The following GFRA1 variants were observed in gnomAD, a reference collection of about 807,000 sequenced individuals.
GFRA1 encodes GDNF family receptor alpha-1.
Under a neutral mutation model 51.6 loss-of-function variants are expected in GFRA1, and 16 were observed. The ratio of observed to expected loss-of-function variants is 0.31; its 90% CI spans 0.21 to 0.47. The LOEUF (loss-of-function observed/expected upper bound fraction) is 0.47, where lower values mean the gene tolerates loss of function less well. Ranked by LOEUF, GFRA1 falls within the 20% of genes least tolerant of loss-of-function variation. The pLI is 1.00. For synonymous variants in GFRA1, 270 were observed against 241.3 expected (o/e 1.12, Z -1.10); for missense variants, 530 against 594.3 (o/e 0.89, Z 1.13).
At chr10:116,267,352 G>C (rs1255157107) in intron 4 of GFRA1, among the ~76,000 whole-genome samples, 1 of 151,996 alleles carries the variant, frequency 6.6e-6, no homozygotes, top group Non-Finnish European at 1.5e-5. Context: ...TGTAATCCCA[G>C]CTACTCGGGA....
At chr10:116,177,755 C>T (rs1337215945) in intron 5 of GFRA1, among the ~76,000 whole-genome samples, 1 of 152,168 alleles carries the variant, frequency 6.6e-6, no homozygotes, top group Non-Finnish European at 1.5e-5. Context: ...TAATAATCAA[C>T]AACTTGCCCA....
chr10:116,174,799 G>A (rs140000078), intron 5 of GFRA1, among the ~76,000 whole-genome samples: 7 of 152,154 alleles, frequency 4.6e-5, no homozygotes, highest in South Asian at 2.1e-4. Context: ...CTATCTATAT[G>A]GGTAACATTT....
At chr10:116,219,797 T>A (rs949384229) in intron 4 of GFRA1, among the ~76,000 whole-genome samples, 2 of 152,212 alleles carry the variant, frequency 1.3e-5, no homozygotes, top group African/African-American at 4.8e-5. Context: ...TGATTAGCAA[T>A]GACGTAACAC....
In GFRA1 at chr10:116,093,884, T is replaced by C. The variant is rs546217704; in HGVS notation, c.881-48A>G. On this transcript the variant is annotated intron_variant, in intron 7 of 10. Coordinates refer to ENST00000355422, the MANE Select transcript of GFRA1 (RefSeq NM_005264.8). ...TTTTATTGTTGTATGATGATACTTT[T>C]CCATGGCCTAAAAAGAAACCAATAT... The C allele has an allele frequency of 1.2e-4, 191 of 1,593,444 alleles. 2 individuals carry two copies. In the South Asian group the frequency reaches 2.1e-3, roughly 17 times the overall value.
At chr10:116,212,708 T>C (rs1965294268) in intron 4 of GFRA1, among the ~76,000 whole-genome samples, 1 of 152,214 alleles carries the variant, frequency 6.6e-6, no homozygotes, top group Admixed American at 6.5e-5. Flanking sequence ...ATCCATACTG[T>C]AGCACACGGT....
chr10:116,123,652 A>T (rs948128268), intron 6 of GFRA1, among the ~76,000 whole-genome samples: 1 of 152,164 alleles, frequency 6.6e-6, no homozygotes, highest in Non-Finnish European at 1.5e-5. Context: ...CATGGTCATA[A>T]ACCCATCTGC....
chr10:116,200,344 T>A (rs1337401251), intron 5 of GFRA1, among the ~76,000 whole-genome samples: 1 of 152,204 alleles, frequency 6.6e-6, no homozygotes, highest in Admixed American at 6.5e-5. Context: ...CAGACGAATT[T>A]CCTGGGTCTG....
intron 9 of GFRA1, among the ~76,000 whole-genome samples, chr10:116,070,522 T>C (rs745675178): frequency 5.9e-5 from 9 of 152,172 alleles, no homozygotes; most frequent in Admixed American, 1.3e-4. Context: ...ATGTACCTAA[T>C]TGAGGTTAAC....
chr10:116,058,655 C>T lies in GFRA1; in HGVS notation c.*5743G>A, dbSNP rs2133727638. On this transcript the variant is annotated 3_prime_UTR_variant, in exon 11 of 11. Coordinates refer to ENST00000355422, the MANE Select transcript of GFRA1 (RefSeq NM_005264.8). Reference sequence around the variant, plus strand: ...AAGGACATGAAATGGAAGGATTCTGCCAATCTGGAAGGGATGGGTGTTTCC... The same window carrying T: ...AAGGACATGAAATGGAAGGATTCTGTCAATCTGGAAGGGATGGGTGTTTCC... The T allele has an allele frequency of 6.6e-6, 1 of 152,386 alleles. No individual in the cohort carries two copies. The highest frequency in any genetic ancestry group is 1.5e-5 in the Non-Finnish European group (1 of 68,082). 9.4% of individuals were successfully genotyped at this position (152,386 alleles called of 1,614,324 possible).
intron 4 of GFRA1, among the ~76,000 whole-genome samples, chr10:116,237,936 C>T (rs1967026647): frequency 6.6e-6 from 1 of 152,176 alleles, no homozygotes; most frequent in Non-Finnish European, 1.5e-5. Context: ...GGGACACATC[C>T]AAGCTGAGCA....
chr10:116,107,276 CT>C lies in GFRA1; in HGVS notation c.771-10513del, dbSNP rs549224810. On this transcript the variant is annotated intron_variant, in intron 6 of 10. Coordinates refer to ENST00000355422, the MANE Select transcript of GFRA1 (RefSeq NM_005264.8). ...AACAGTACCTCATCACAGCTGGTGT[CT>C]TCTCTTCTTCTCTGGACCAGCCCAG... 1.8e-3 allele frequency among the ~76,000 whole-genome samples: 270 copies of C among 152,306 alleles called. 1 individual carries two copies. Among genetic ancestry groups the C allele is most frequent in the African/African-American group, 6.4e-3 (267 of 41,572 alleles).
chr10:116,267,241 G>T (rs543317084), intron 4 of GFRA1, among the ~76,000 whole-genome samples: 1 of 152,180 alleles, frequency 6.6e-6, no homozygotes, highest in Non-Finnish European at 1.5e-5. Flanking sequence ...GAGGCAGGCG[G>T]ATCTCTTGAG....
At chr10:116,216,451 T>C (rs1301955180) in intron 4 of GFRA1, among the ~76,000 whole-genome samples, 1 of 152,174 alleles carries the variant, frequency 6.6e-6, no homozygotes, top group Non-Finnish European at 1.5e-5. Context: ...CAATCCATAG[T>C]CCATAACTAT....
At chr10:116,071,908 A>G (rs1253536363) in intron 9 of GFRA1, among the ~76,000 whole-genome samples, 3 of 151,856 alleles carry the variant, frequency 2.0e-5, no homozygotes, top group African/African-American at 7.3e-5. Flanking sequence ...TATGTTTTGC[A>G]TAAGCCACGC....
intron 6 of GFRA1, among the ~76,000 whole-genome samples, chr10:116,119,857 A>T (rs983304301): frequency 6.6e-6 from 1 of 152,244 alleles, no homozygotes; most frequent in Admixed American, 6.5e-5. Flanking sequence ...CACGTTCCCC[A>T]GTTGCCTGAT....
At chr10:116,091,230 A>ATGTT (rs1260372324) in intron 8 of GFRA1, among the ~76,000 whole-genome samples, 1 of 152,194 alleles carries the variant, frequency 6.6e-6, no homozygotes, top group Non-Finnish European at 1.5e-5. Context: ...ATTCATTCAA[A>ATGTT]TGTTAATAGA....
At chr10:116,068,990 A>G (rs1176640476) in intron 9 of GFRA1, among the ~76,000 whole-genome samples, 1 of 152,222 alleles carries the variant, frequency 6.6e-6, no homozygotes, top group Non-Finnish European at 1.5e-5. Flanking sequence ...AGCACCTTTT[A>G]TTCCTGAGTT....
intron 4 of GFRA1, among the ~76,000 whole-genome samples, chr10:116,268,300 T>C (rs1459151630): frequency 6.6e-6 from 1 of 152,198 alleles, no homozygotes; most frequent in Admixed American, 6.5e-5. Context: ...ATCTATAAAA[T>C]GGAAATAATA....
intron 5 of GFRA1, among the ~76,000 whole-genome samples, chr10:116,134,926 C>T (rs190993547): frequency 1.3e-5 from 2 of 152,288 alleles, no homozygotes; most frequent in African/African-American, 4.8e-5. Flanking sequence ...CTTGCTGCTG[C>T]GCAATGATTA....
Sources: allele counts gnomAD v4.1 joint callset (sites outside exome capture counted in the v4.1 genomes callset), GRCh38; gene constraint gnomAD v4.1.1; transcripts MANE v1.5; gene names NCBI Gene and HGNC (gene_info 2026-07-23, HGNC 2026-07-21).